Variants in PTH2R observed in about 807,000 individuals in gnomAD.
PTH2R encodes the protein parathyroid hormone 2 receptor.
A neutral mutation model predicts 60.3 loss-of-function variants in PTH2R; 59 were observed. That is an observed-to-expected ratio of 0.98 (90% confidence interval 0.79 to 1.22). The LOEUF (loss-of-function observed/expected upper bound fraction) is 1.22. Among genes scored for constraint, PTH2R ranks in the 50% most tolerant of loss-of-function variants. PTH2R has a pLI of 0.00. For missense variants in PTH2R, 749 were observed against 682.6 expected (o/e 1.10, Z -1.08); for synonymous variants, 256 against 243.8 (o/e 1.05, Z -0.47).
intron 1 of PTH2R, among the ~76,000 whole-genome samples, chr2:208,388,419 C>T (rs17655324): frequency 0.06 from 9,198 of 152,220 alleles, 361 homozygotes; most frequent in Non-Finnish European, 0.077. Flanking sequence ...GTCTAACCTT[C>T]GGTGACGTTC....
At chr2:208,362,454 A>G (rs761794026) in intron 1 of PTH2R, among the ~76,000 whole-genome samples, 4 of 152,192 alleles carry the variant, frequency 2.6e-5, no homozygotes, top group South Asian at 2.1e-4. Flanking sequence ...TATGGTATCT[A>G]TGTATCTGTA....
chr2:208,490,703 C>G (rs776052309), intron 12 of PTH2R, 23 bp downstream of exon 12: 1 of 1,598,932 alleles, frequency 6.3e-7, no homozygotes, highest in South Asian at 1.1e-5. Context: ...GAACCTTGGA[C>G]AGGTCTCGCT....
At chr2:208,491,012 CTTA>C (rs1344966969) in intron 12 of PTH2R, among the ~76,000 whole-genome samples, 1 of 152,168 alleles carries the variant, frequency 6.6e-6, no homozygotes, top group Admixed American at 6.5e-5. Context: ...CTGTACAAAA[CTTA>C]TTAGTTTCCC....
intron 1 of PTH2R, among the ~76,000 whole-genome samples, chr2:208,392,536 G>C (rs935951352): frequency 6.6e-6 from 1 of 152,106 alleles, no homozygotes; most frequent in Admixed American, 6.5e-5. Context: ...TTTGTCCTGG[G>C]GCTATAAGGA....
At chr2:208,363,056 C>T (rs1223682746) in intron 1 of PTH2R, among the ~76,000 whole-genome samples, 1 of 151,970 alleles carries the variant, frequency 6.6e-6, no homozygotes, top group Non-Finnish European at 1.5e-5. Context: ...TCTGGGGGTA[C>T]ATGTGCAGGT....
At chr2:208,367,196 C>T (rs1030362403) in intron 1 of PTH2R, among the ~76,000 whole-genome samples, 24 of 151,966 alleles carry the variant, frequency 1.6e-4, no homozygotes, top group African/African-American at 4.6e-4. Context: ...TGGGTTCAAG[C>T]GATTCTCCTG....
At chr2:208,389,261 C>T (rs1302164753) in intron 1 of PTH2R, among the ~76,000 whole-genome samples, 2 of 149,890 alleles carry the variant, frequency 1.3e-5, no homozygotes, top group Admixed American at 1.3e-4. Flanking sequence ...CACACACACA[C>T]ACACACAATC....
At chr2:208,447,531 T>G (rs760633679) in intron 7 of PTH2R, among the ~76,000 whole-genome samples, 3 of 150,324 alleles carry the variant, frequency 2.0e-5, no homozygotes, top group Non-Finnish European at 3.0e-5. Context: ...GAGCTTGCAG[T>G]GAGCTGAGAT....
chr2:208,442,213 C>A, intron 4 of PTH2R, 151 bp from the exon 5 acceptor site: 1 of 626,340 alleles, frequency 1.6e-6, no homozygotes, highest in Non-Finnish European at 2.8e-6. Context: ...AAAATGCTCA[C>A]TCCAGATCTC....
At chr2:208,425,554 C>T (rs1701840812) in intron 1 of PTH2R, among the ~76,000 whole-genome samples, 1 of 152,236 alleles carries the variant, frequency 6.6e-6, no homozygotes, top group Non-Finnish European at 1.5e-5. Context: ...GGGCAGACTG[C>T]CTGGCCCTGC....
At chr2:208,419,100 A>T (rs1701700050) in intron 1 of PTH2R, among the ~76,000 whole-genome samples, 2 of 152,202 alleles carry the variant, frequency 1.3e-5, no homozygotes, top group Admixed American at 1.3e-4. Context: ...CGCCATACCA[A>T]CTTCCACAAT....
chr2:208,442,448 A>C lies in PTH2R; in HGVS notation c.496A>C (p.Ile166Leu), dbSNP rs771950289. 1.9e-6 allele frequency: 3 copies of C among 1,607,072 alleles called. No individual in the cohort carries two copies. In the South Asian group the frequency reaches 3.3e-5, roughly 18 times the overall value. The change falls in exon 5 of 13, where the codon ATT becomes CTT. Residue 166 changes from isoleucine (I) to leucine (L), a missense_variant. Coordinates refer to ENST00000272847, the MANE Select transcript of PTH2R (RefSeq NM_005048.4). Reference protein sequence around the residue: ...FGSLAVAILIIGYFRRLHCTR... With the variant: ...FGSLAVAILILGYFRRLHCTR... The stretch of plus-strand genomic sequence containing the variant: ...TTCCTTGGCTGTGGCTATTCTCATC[A>C]TTGGTTACTTCAGGTGAGTGATGCC...
At chr2:208,434,150 C>G (rs766063173) in intron 2 of PTH2R, among the ~76,000 whole-genome samples, 2 of 152,064 alleles carry the variant, frequency 1.3e-5, no homozygotes, top group Non-Finnish European at 2.9e-5. Flanking sequence ...CCTATCTCTA[C>G]TAAAAATACA....
At chr2:208,374,569 C>A (rs1700758629) in intron 1 of PTH2R, among the ~76,000 whole-genome samples, 1 of 152,092 alleles carries the variant, frequency 6.6e-6, no homozygotes, top group African/African-American at 2.4e-5. Flanking sequence ...ATGGCATGAT[C>A]TTGGCTCACT....
Position 208,443,490 on chromosome 2 carries a change from G to A in PTH2R, c.652G>A (p.Asp218Asn), listed in dbSNP as rs1367806626. ...GCTGGAGTCCCTAATAATGCAGGAT[G>A]ACCCACAAAATTCCATTGAGGCAAC... ...KELESLIMQD[D>N]PQNSIEATSV... The change falls in exon 6 of 13, where the codon GAC (aspartate) becomes AAC (asparagine). Residue 218 changes from aspartate (D) to asparagine (N), a missense_variant. Asp to Asn is a conservative substitution (Grantham distance 23). Transcript: ENST00000272847. The A allele has an allele frequency of 3.7e-6, 6 of 1,612,270 alleles. No homozygotes were observed. The highest frequency in any genetic ancestry group is 5.1e-6 in the Non-Finnish European group (6 of 1,179,422).
chr2:208,425,538 T>C (rs62193677), intron 1 of PTH2R, among the ~76,000 whole-genome samples: 130 of 152,366 alleles, frequency 8.5e-4, no homozygotes, highest in Middle Eastern at 3.4e-3. Context: ...TTTGAGCTGC[T>C]ACTCTGGGCA....
chr2:208,494,423 C>T lies in PTH2R; in HGVS notation c.*764C>T, dbSNP rs1703486923. On this transcript the variant is annotated 3_prime_UTR_variant, in exon 13 of 13. Transcript: ENST00000272847. ...TAATGTATTTTGATAGCAAATCATGCTGCATCTATATCTTTTTCTTGTTTG... is the reference window on the plus strand; with the variant it reads ...TAATGTATTTTGATAGCAAATCATGTTGCATCTATATCTTTTTCTTGTTTG... The T allele has an allele frequency of 6.6e-6, 1 of 152,162 alleles. No homozygotes were observed. The highest frequency in any genetic ancestry group is 2.4e-5 in the African/African-American group (1 of 41,438). 9.4% of individuals were successfully genotyped at this position (152,162 alleles called of 1,614,324 possible). A position where few individuals can be genotyped will look rare whatever the true frequency, so the allele number is the denominator to read the frequency against.
At chr2:208,489,414 G>T (rs1337664730) in intron 11 of PTH2R, among the ~76,000 whole-genome samples, 2 of 152,084 alleles carry the variant, frequency 1.3e-5, no homozygotes, top group African/African-American at 4.8e-5. Context: ...GGAACATCTT[G>T]TTGTAAAATA....
At chr2:208,416,429 A>C (rs1701642322) in intron 1 of PTH2R, among the ~76,000 whole-genome samples, 1 of 152,210 alleles carries the variant, frequency 6.6e-6, no homozygotes, top group Non-Finnish European at 1.5e-5. Flanking sequence ...AATTATCATC[A>C]GTTCTTTAAA....
Sources: allele counts gnomAD v4.1 joint callset (sites outside exome capture counted in the v4.1 genomes callset), GRCh38; gene constraint gnomAD v4.1.1; transcripts MANE v1.5; gene names NCBI Gene and HGNC (gene_info 2026-07-23, HGNC 2026-07-21).